Variants in ANGPT4 observed in about 807,000 individuals in gnomAD.
ANGPT4 encodes the protein angiopoietin-4.
A neutral mutation model predicts 53.0 loss-of-function variants in ANGPT4; 50 were observed. The ratio of observed to expected loss-of-function variants is 0.94; its 90% confidence interval spans 0.75 to 1.20. The LOEUF (loss-of-function observed/expected upper bound fraction) is 1.20, where lower values mean the gene tolerates loss of function less well. Among genes scored for constraint, ANGPT4 ranks in the 50% most tolerant of loss-of-function variants. The probability of loss-of-function intolerance (pLI) is 0.00; values close to 1 mark genes in which losing one functional copy is unlikely to be tolerated. For synonymous variants in ANGPT4, 251 were observed against 259.7 expected (o/e 0.97, Z 0.32); for missense variants, 648 against 637.1 (o/e 1.02, Z -0.18).
In ANGPT4 at chr20:874,396, G is replaced by A. The variant is rs1430343107; in HGVS notation, c.1239C>T (p.Tyr413=). The change falls in exon 8 of 9, where the codon TAC becomes TAT. Residue 413 remains tyrosine, a synonymous_variant. Transcript: ENST00000381922. ...NQLYRLSVVG[Y]SGSAGRQSSL... is the part of the protein sequence containing the mutation. ...TGCTCTGGCGCCCTGCTGAGCCGCT[G>A]TACCCGACCACAGAAAGCCTGGAGG... The A allele has an allele frequency of 1.2e-6, 2 of 1,613,660 alleles. No individual in the cohort carries two copies. The highest frequency in any genetic ancestry group is 1.7e-6 in the Non-Finnish European group (2 of 1,180,024).
intron 1 of ANGPT4, among the ~76,000 whole-genome samples, chr20:903,706 GA>G (rs1982371782): frequency 6.6e-6 from 1 of 152,224 alleles, no homozygotes; most frequent in Non-Finnish European, 1.5e-5. Flanking sequence ...GATGGTGTGG[GA>G]ATTGGGATGA....
intron 1 of ANGPT4, among the ~76,000 whole-genome samples, chr20:904,862 G>A (rs1982419292): frequency 6.6e-6 from 1 of 152,112 alleles, no homozygotes; most frequent in South Asian, 2.1e-4. Context: ...AAACTCCTGA[G>A]CTCGAGTGAT....
In ANGPT4 at chr20:894,486, C is replaced by T. The variant is rs569704029; in HGVS notation, c.310-4118G>A. Among the ~76,000 whole-genome samples the T allele has an allele frequency of 7.6e-4, 116 of 152,086 alleles. 1 individual carries two copies. The highest frequency in any genetic ancestry group is 2.6e-3 in the African/African-American group (106 of 41,494). ...CAGAGCATGGGCTAGCAGGCTGGTC[C>T]GGGGGTCCGTGGTAAATCTTAGTCA... On this transcript the variant is annotated intron_variant, in intron 1 of 8. Coordinates refer to ENST00000381922, the MANE Select transcript of ANGPT4 (RefSeq NM_015985.4).
At position 885,118 on chromosome 20, in the gene ANGPT4, C is replaced by A; in HGVS notation, c.795G>T (p.Leu265Phe). 1.2e-6 allele frequency: 2 copies of A among 1,613,526 alleles called. No homozygotes were observed. The highest frequency in any genetic ancestry group is 8.5e-7 in the Non-Finnish European group (1 of 1,179,850). ...TAGCCCTTTCTTGCACCAGGTGCCGCAACAACACCAGCAGCTGGCGCAGGC... is the reference window on the plus strand; with the variant it reads ...TAGCCCTTTCTTGCACCAGGTGCCGAAACAACACCAGCAGCTGGCGCAGGC... ...QHSLRQLLVL[L>F]RHLVQERANA... The change falls in exon 4 of 9, where the codon TTG becomes TTT. Residue 265 changes from leucine to phenylalanine, a missense_variant. By Grantham distance (22) the Leu-to-Phe change is conservative (BLOSUM62 0). Transcript: ENST00000381922.
chr20:907,760 G>A (rs995023279), intron 1 of ANGPT4, among the ~76,000 whole-genome samples: 8 of 152,118 alleles, frequency 5.3e-5, no homozygotes, highest in Non-Finnish European at 1.0e-4. Context: ...ATGTGACAGC[G>A]CCCCTGCCCA....
chr20:907,715 C>G (rs537998577), intron 1 of ANGPT4, among the ~76,000 whole-genome samples: 2 of 152,164 alleles, frequency 1.3e-5, no homozygotes, highest in South Asian at 4.1e-4. Flanking sequence ...TGTAACCAGG[C>G]GGTGCTTCTG....
At position 914,521 on chromosome 20, in the gene ANGPT4, G is replaced by A. The variant is rs754272317; in HGVS notation, c.309+1385C>T. Among the ~76,000 whole-genome samples the A allele has an allele frequency of 6.6e-6, 1 of 152,086 alleles. No homozygotes were observed. Among genetic ancestry groups the A allele is most frequent in the Non-Finnish European group, 1.5e-5 (1 of 68,004 alleles). On this transcript the variant is annotated intron_variant, in intron 1 of 8. Transcript: ENST00000381922. The surrounding 1 kb of genome is among the most constrained non-coding windows in gnomAD (Gnocchi z 5.0). ...TGGGGATTCTTTGGTCTGCTGCATG[G>A]AGAACAGGAGGTGGGGGCCGAGTGT...
At chr20:891,949 T>A (rs187598183) in intron 1 of ANGPT4, among the ~76,000 whole-genome samples, 1 of 152,034 alleles carries the variant, frequency 6.6e-6, no homozygotes, top group Admixed American at 6.5e-5. Context: ...CTCTTAATGG[T>A]GCCCAGCCAA....
rs1245227347 is a variant in ANGPT4, at chr20:885,079, C to T, written c.834G>A (p.Pro278=). The T allele has an allele frequency of 6.2e-7, 1 of 1,613,648 alleles. No homozygotes were observed. The highest frequency in any genetic ancestry group is 1.1e-5 in the South Asian group (1 of 90,976). The change falls in exon 4 of 9, where the codon CCG becomes CCA. Residue 278 remains proline (P), a splice_region_variant and synonymous_variant. Coordinates refer to ENST00000381922, the MANE Select transcript of ANGPT4 (RefSeq NM_015985.4). ...LVQERANASA[P]AFIMAGEQVF... Reference sequence around the variant, plus strand: ...CTGGGGCGCACACCGCTCACTCACCCGGGGCCGAGGCGTTAGCCCTTTCTT... The same window carrying T: ...CTGGGGCGCACACCGCTCACTCACCTGGGGCCGAGGCGTTAGCCCTTTCTT...
chr20:900,770 A>T (rs1461535435), intron 1 of ANGPT4, among the ~76,000 whole-genome samples: 1 of 152,230 alleles, frequency 6.6e-6, no homozygotes. Flanking sequence ...AAACTCAAGG[A>T]CAGAGCCCAA....
rs757415116 is a variant in ANGPT4 at position 916,044 on chromosome 20, C to T, written c.171G>A (p.Pro57=). Residue 57 remains proline (P), a synonymous_variant, in exon 1 of 9, where the codon CCG becomes CCA. Coordinates refer to ENST00000381922, the MANE Select transcript of ANGPT4 (RefSeq NM_015985.4). The stretch of plus-strand genomic sequence containing the variant: ...TGGAGTCCCTGGAGACCTCAGGCCC[C>T]GGAGGGCAGGGCTCAGACTTGGGCA... ...FLLPKSEPCP[P]GPEVSRDSNT... 48 of 1,614,160 alleles carry T rather than the reference C, an allele frequency of 3.0e-5. 2 individuals carry two copies. In the Admixed American group the frequency reaches 3.8e-4, roughly 13 times the overall value.
intron 1 of ANGPT4, among the ~76,000 whole-genome samples, chr20:897,669 A>C (rs574463714): frequency 2.2e-4 from 33 of 152,280 alleles, no homozygotes; most frequent in African/African-American, 7.7e-4. Context: ...AATTGCAGGG[A>C]CACCTGCTTT....
At chr20:902,686 T>A (rs946273530) in intron 1 of ANGPT4, among the ~76,000 whole-genome samples, 2 of 152,212 alleles carry the variant, frequency 1.3e-5, no homozygotes, top group Non-Finnish European at 2.9e-5. Flanking sequence ...TATAAATCTA[T>A]GCATTTAATT....
In ANGPT4 at chr20:908,321, C is replaced by T. The variant is rs765984523; in HGVS notation, c.309+7585G>A. The stretch of plus-strand genomic sequence containing the variant: ...CTCCTCGCTCTCTGCACTGTAGACA[C>T]ACTGAATGCCTTTTGCTTTTGGCCC... On this transcript the variant is annotated intron_variant, in intron 1 of 8. Coordinates refer to ENST00000381922, the MANE Select transcript of ANGPT4 (RefSeq NM_015985.4). This position sits in a 1 kb window ranked among gnomAD's most constrained non-coding sequence, Gnocchi z 4.9. 6.6e-6 allele frequency among the ~76,000 whole-genome samples: 1 copy of T among 152,200 alleles called. No individual in the cohort carries two copies. The highest frequency in any genetic ancestry group is 2.1e-4 in the South Asian group (1 of 4,826).
rs761949028 is a variant in ANGPT4, at chr20:879,807, G to A, written c.993C>T (p.Leu331=). The part of the protein sequence containing the change: ...DLQSSGGRWT[L]IQRRENGTVN... ...CGGTGCCATTCTCACGGCGCTGGAT[G>A]AGGGTCCACCTGCCTCCACTGCTCT... The change falls in exon 6 of 9, where the codon CTC becomes CTT. Residue 331 remains leucine, a synonymous_variant. Coordinates refer to ENST00000381922, the MANE Select transcript of ANGPT4 (RefSeq NM_015985.4). 4 of 1,613,868 alleles carry A rather than the reference G, an allele frequency of 2.5e-6. No individual in the cohort carries two copies. The highest frequency in any genetic ancestry group is 2.2e-5 in the South Asian group (2 of 91,042).
chr20:900,169 A>G (rs1568849714), intron 1 of ANGPT4, among the ~76,000 whole-genome samples: 1 of 151,992 alleles, frequency 6.6e-6, no homozygotes, highest in African/African-American at 2.4e-5. Context: ...ATTTCACTCC[A>G]TCCTTGGCTA....
At chr20:892,665 G>A (rs2122815128) in intron 1 of ANGPT4, among the ~76,000 whole-genome samples, 1 of 151,686 alleles carries the variant, frequency 6.6e-6, no homozygotes, top group South Asian at 2.1e-4. Context: ...CTCCAGTCAT[G>A]TCTCTCCATC....
intron 8 of ANGPT4, among the ~76,000 whole-genome samples, chr20:873,512 T>C (rs1439468990): frequency 6.6e-6 from 1 of 151,902 alleles, no homozygotes; most frequent in African/African-American, 2.4e-5. Flanking sequence ...TCCAGGTTCA[T>C]CTCTTTCTCT....
chr20:889,000 C>T (rs1021140182), intron 2 of ANGPT4, among the ~76,000 whole-genome samples: 3 of 152,240 alleles, frequency 2.0e-5, no homozygotes, highest in Non-Finnish European at 4.4e-5. Context: ...CTCCTGGTCA[C>T]TCCAGCATAG....
Sources: gnomAD v4.1 joint callset for allele counts (sites outside exome capture counted in the v4.1 genomes callset) on GRCh38, gnomAD v4.1.1 for gene constraint, Gnocchi (gnomAD v3.1) non-coding constraint, MANE v1.5 for transcripts, NCBI Gene and HGNC (gene_info 2026-07-23, HGNC 2026-07-21) for gene names.